HS3ST1: variants seen among roughly 807,000 people sequenced by gnomAD.
HS3ST1 encodes the protein heparan sulfate-glucosamine 3-sulfotransferase 1, also known as heparan sulfate glucosamine 3-O-sulfotransferase 1.
HS3ST1 carries 8 observed loss-of-function variants against 20.7 expected under a neutral mutation model. The ratio of observed to expected loss-of-function variants is 0.39; its 90% confidence interval spans 0.23 to 0.70. HS3ST1 has a LOEUF of 0.70. Ranked by LOEUF, HS3ST1 falls within the 30% of genes least tolerant of loss-of-function variation. HS3ST1 has a pLI of 0.46. For missense variants in HS3ST1, 436 were observed against 423.4 expected (o/e 1.03, Z -0.26); for synonymous variants, 205 against 190.4 (o/e 1.08, Z -0.63).
intron 1 of HS3ST1, among the ~76,000 whole-genome samples, chr4:11,423,049 A>AAAAAT (rs1560237599): frequency 3.9e-4 from 58 of 149,590 alleles, no homozygotes; most frequent in Middle Eastern, 3.6e-3. Flanking sequence ...AAAAAAAAAA[A>AAAAAT]GTGCTGAACG....
chr4:11,413,080 C>CA (rs1444707203), intron 1 of HS3ST1, among the ~76,000 whole-genome samples: 3 of 152,210 alleles, frequency 2.0e-5, no homozygotes, highest in Non-Finnish European at 4.4e-5. Flanking sequence ...ATCCTGGCCT[C>CA]AGACTTCCAG....
intron 1 of HS3ST1, among the ~76,000 whole-genome samples, chr4:11,413,264 G>C (rs1034877634): frequency 2.0e-5 from 3 of 152,124 alleles, no homozygotes; most frequent in African/African-American, 7.2e-5. Flanking sequence ...GGTGGGATAA[G>C]ATTTCCCTTA....
rs542812236 is a variant in HS3ST1 at position 11,396,766 on chromosome 4, T to G, written c.*2316A>C. The G allele has an allele frequency of 6.6e-6, 1 of 152,384 alleles. No individual in the cohort carries two copies. The highest frequency in any genetic ancestry group is 2.4e-5 in the African/African-American group (1 of 41,580). 9.4% of individuals were successfully genotyped at this position (152,384 alleles called of 1,614,324 possible). On this transcript the variant is annotated 3_prime_UTR_variant, in exon 2 of 2. Coordinates refer to ENST00000002596, the MANE Select transcript of HS3ST1 (RefSeq NM_005114.4). The stretch of plus-strand genomic sequence containing the variant: ...TGCTCATGGTAGACTCATTTGAACA[T>G]TCCTTTAGCCACGACTCTGCACCCC...
intron 1 of HS3ST1, among the ~76,000 whole-genome samples, chr4:11,417,074 T>C (rs1405337340): frequency 1.3e-5 from 2 of 152,152 alleles, no homozygotes; most frequent in Non-Finnish European, 2.9e-5. Flanking sequence ...TGGCTAATGA[T>C]GAGGCTTAAT....
chr4:11,431,948 C>G (rs180892121), upstream of HS3ST1, among the ~76,000 whole-genome samples: 2 of 152,276 alleles, frequency 1.3e-5, no homozygotes, highest in African/African-American at 4.8e-5. Context: ...CAAAGTGCAT[C>G]TTCTCAACCA....
At chr4:11,426,456 G>A (rs993427592) in intron 1 of HS3ST1, among the ~76,000 whole-genome samples, 1 of 151,962 alleles carries the variant, frequency 6.6e-6, no homozygotes, top group East Asian at 1.9e-4. Context: ...GGGACCCAGG[G>A]GGGGGGCTTG....
chr4:11,399,782 C>T lies in HS3ST1; in HGVS notation c.224G>A (p.Ser75Asn). Reference protein sequence around the residue: ...GGTRALLEMLSLHPDVAAAEN... With the variant: ...GGTRALLEMLNLHPDVAAAEN... The stretch of plus-strand genomic sequence containing the variant: ...CGCGGCCGCCACGTCGGGGTGCAGG[C>T]TGAGCATCTCCAGCAGTGCGCGCGT... Residue 75 changes from serine (S) to asparagine (N), a missense_variant, in exon 2 of 2, where the codon AGC becomes AAC. Ser to Asn is a conservative substitution (Grantham distance 46). Transcript: ENST00000002596. The surrounding 1 kb of genome is among the most constrained non-coding windows in gnomAD (Gnocchi z 5.1). The T allele has an allele frequency of 6.2e-7, 1 of 1,613,604 alleles. No individual in the cohort carries two copies. The highest frequency in any genetic ancestry group is 1.3e-5 in the African/African-American group (1 of 75,082).
chr4:11,423,021 C>CAA (rs71181101), intron 1 of HS3ST1, among the ~76,000 whole-genome samples: 409 of 34,378 alleles, frequency 0.012, 140 homozygotes, highest in Admixed American at 0.04. Context: ...GAGACACCGT[C>CAA]AAAAAAAAAA....
chr4:11,420,914 C>G (rs530948397), intron 1 of HS3ST1, among the ~76,000 whole-genome samples: 1 of 152,122 alleles, frequency 6.6e-6, no homozygotes, highest in African/African-American at 2.4e-5. Context: ...AGAAAAGAAT[C>G]GTTCAGAACT....
intron 1 of HS3ST1, among the ~76,000 whole-genome samples, chr4:11,421,346 C>T (rs1458447474): frequency 1.3e-5 from 2 of 150,226 alleles, no homozygotes; most frequent in African/African-American, 2.4e-5. Context: ...TAACCAACAC[C>T]CTCCCCCTCC....
chr4:11,427,814 C>T (rs952140138), intron 1 of HS3ST1, among the ~76,000 whole-genome samples: 1 of 152,230 alleles, frequency 6.6e-6, no homozygotes, highest in Non-Finnish European at 1.5e-5. Context: ...GGCTTTGGCT[C>T]CAGCTTCTTC....
intron 1 of HS3ST1, among the ~76,000 whole-genome samples, chr4:11,401,635 C>T (rs1014348928): frequency 2.0e-5 from 3 of 152,162 alleles, no homozygotes; most frequent in Non-Finnish European, 4.4e-5. Flanking sequence ...TGAGCCACTG[C>T]GCCTGGCCTG....
chr4:11,426,368 C>A (rs1719059280), intron 1 of HS3ST1, among the ~76,000 whole-genome samples: 1 of 151,512 alleles, frequency 6.6e-6, no homozygotes, highest in South Asian at 2.1e-4. Flanking sequence ...CAGAGGCCCC[C>A]CCCCCAACCC....
chr4:11,395,473 C>CTTTTTTT lies in HS3ST1; in HGVS notation c.*3602_*3608dup, dbSNP rs34905764. On this transcript the variant is annotated 3_prime_UTR_variant, in exon 2 of 2. Transcript: ENST00000002596. ...TTTTATTTTTTTATTATTAATTTATCTTTTTTTTTTTTTTTTTTTTTTGAG... is the reference window on the plus strand; with the variant it reads ...TTTTATTTTTTTATTATTAATTTATCTTTTTTTTTTTTTTTTTTTTTTTTTTTTTGAG... 5 of 76,110 alleles carry CTTTTTTT rather than the reference C, an allele frequency of 6.6e-5. No homozygotes were observed. Among genetic ancestry groups the CTTTTTTT allele is most frequent in the Non-Finnish European group, 9.4e-5 (4 of 42,690 alleles). 4.7% of individuals were successfully genotyped at this position (76,110 alleles called of 1,614,324 possible).
chr4:11,409,693 C>G (rs974945224), intron 1 of HS3ST1, among the ~76,000 whole-genome samples: 5 of 152,198 alleles, frequency 3.3e-5, no homozygotes, highest in African/African-American at 1.2e-4. Context: ...GATAGCAGCC[C>G]TAGCTGACTA....
chr4:11,424,266 C>G (rs1406379862), intron 1 of HS3ST1, among the ~76,000 whole-genome samples: 1 of 152,158 alleles, frequency 6.6e-6, no homozygotes, highest in East Asian at 1.9e-4. Flanking sequence ...AAGAAAGATG[C>G]CCACTGGGAT....
At position 11,393,324 on chromosome 4, in the gene HS3ST1, C is replaced by T. The variant is rs1718053334; in HGVS notation, c.*5758G>A. On this transcript the variant is annotated 3_prime_UTR_variant, in exon 2 of 2. Coordinates refer to ENST00000002596, the MANE Select transcript of HS3ST1 (RefSeq NM_005114.4). ...TCCGATAAGCTAATAAAAGAGCCTACTACTTGGTAACAATTTCAGCCATTA... is the reference window on the plus strand; with the variant it reads ...TCCGATAAGCTAATAAAAGAGCCTATTACTTGGTAACAATTTCAGCCATTA... The T allele has an allele frequency of 6.6e-6, 1 of 152,224 alleles. No individual in the cohort carries two copies. The highest frequency in any genetic ancestry group is 2.1e-4 in the South Asian group (1 of 4,836). The allele number at this position is 152,224 out of a possible 1,614,324, so 9.4% of individuals were successfully genotyped here.
At chr4:11,407,395 G>T (rs1340563737) in intron 1 of HS3ST1, among the ~76,000 whole-genome samples, 2 of 152,146 alleles carry the variant, frequency 1.3e-5, no homozygotes, top group African/African-American at 4.8e-5. Flanking sequence ...TGTCTGAGAG[G>T]TGCCATATTT....
intron 1 of HS3ST1, among the ~76,000 whole-genome samples, chr4:11,408,558 G>C (rs1718532186): frequency 6.6e-6 from 1 of 152,256 alleles, no homozygotes; most frequent in Admixed American, 6.5e-5. Flanking sequence ...TGAGCAGCCA[G>C]GTGTGTGCAG....
Sources: allele counts gnomAD v4.1 joint callset (sites outside exome capture counted in the v4.1 genomes callset), GRCh38; gene constraint gnomAD v4.1.1; non-coding constraint Gnocchi (gnomAD v3.1); transcripts MANE v1.5; gene names NCBI Gene and HGNC (gene_info 2026-07-23, HGNC 2026-07-21).